YPEL2: variants seen among roughly 807,000 people sequenced by gnomAD.
YPEL2 encodes protein yippee-like 2.
Under a neutral mutation model 19.1 loss-of-function variants are expected in YPEL2, and 2 were observed. That is an observed-to-expected ratio of 0.10 (90% CI 0.04 to 0.33). YPEL2 has a LOEUF of 0.33. Among genes scored for constraint, YPEL2 ranks in the 10% least tolerant of loss-of-function variants. YPEL2 has a pLI of 1.00. For missense variants in YPEL2, 66 were observed against 140.7 expected, an observed-to-expected ratio of 0.47 and a Z score of 2.68; for synonymous variants, 52 against 50.0, an observed-to-expected ratio of 1.04 and a Z score of -0.17.
chr17:59,332,285 A>G (rs928320177), intron 1 of YPEL2, among the ~76,000 whole-genome samples: 1 of 151,976 alleles, frequency 6.6e-6, no homozygotes, highest in East Asian at 2.0e-4. Flanking sequence ...TCCTGGGGAC[A>G]CTTAGGTCCA....
chr17:59,357,022 C>T (rs1056286872), intron 2 of YPEL2, among the ~76,000 whole-genome samples: 3 of 152,154 alleles, frequency 2.0e-5, no homozygotes, highest in African/African-American at 4.8e-5. Context: ...AGTGTATGCT[C>T]GTGATGTGCT....
chr17:59,390,568 G>A (rs1274869055), intron 4 of YPEL2, among the ~76,000 whole-genome samples: 1 of 152,228 alleles, frequency 6.6e-6, no homozygotes, highest in Non-Finnish European at 1.5e-5. Flanking sequence ...ACTGTCAGAT[G>A]TGATCATGGC....
chr17:59,344,373 TAGG>T (rs982039063), intron 1 of YPEL2, among the ~76,000 whole-genome samples: 1 of 151,626 alleles, frequency 6.6e-6, no homozygotes. Context: ...AACAGAGAGG[TAGG>T]AGAAGAATCC....
chr17:59,372,433 A>G (rs1166708983), intron 2 of YPEL2, among the ~76,000 whole-genome samples: 5 of 152,206 alleles, frequency 3.3e-5, no homozygotes, highest in Admixed American at 6.5e-5. Context: ...AGTAAAATAC[A>G]AAAAGCATGG....
At chr17:59,392,430 A>G (rs773342382) in intron 4 of YPEL2, among the ~76,000 whole-genome samples, 1 of 150,828 alleles carries the variant, frequency 6.6e-6, no homozygotes, top group Non-Finnish European at 1.5e-5. Context: ...AAGTACTGTG[A>G]TGTGCACAGC....
intron 4 of YPEL2, among the ~76,000 whole-genome samples, chr17:59,391,531 G>A (rs1000820075): frequency 9.9e-5 from 15 of 151,708 alleles, no homozygotes; most frequent in Admixed American, 2.6e-4. Context: ...AAAAAAAATT[G>A]TCCCAGGTGG....
intron 2 of YPEL2, among the ~76,000 whole-genome samples, chr17:59,386,764 T>C (rs2047982228): frequency 6.6e-6 from 1 of 152,152 alleles, no homozygotes; most frequent in African/African-American, 2.4e-5. Context: ...TCATAGCTGC[T>C]CAGTTGTAGC....
At chr17:59,344,711 T>C (rs2047747633) in intron 1 of YPEL2, among the ~76,000 whole-genome samples, 1 of 152,024 alleles carries the variant, frequency 6.6e-6, no homozygotes, top group African/African-American at 2.4e-5. Flanking sequence ...TGAGCCAAAA[T>C]CACGCCACTG....
intron 2 of YPEL2, among the ~76,000 whole-genome samples, chr17:59,374,290 A>G (rs937032134): frequency 3.3e-5 from 5 of 152,310 alleles, no homozygotes; most frequent in Admixed American, 3.3e-4. Flanking sequence ...CTATGCTCAA[A>G]TCCTTCTAAT....
intron 2 of YPEL2, chr17:59,354,405 G>C (rs9903669): frequency 0.66 from 99,693 of 151,926 alleles, 34,350 homozygotes; most frequent in African/African-American, 0.87. Flanking sequence ...TACGCAGACC[G>C]AGACGAAGTT....
intron 3 of YPEL2, chr17:59,389,144 G>T: frequency 1.8e-6 from 1 of 547,532 alleles, no homozygotes; most frequent in Non-Finnish European, 3.3e-6. Flanking sequence ...GATTATTTCG[G>T]TAGACCCACT....
In YPEL2 at chr17:59,398,750, T is replaced by A. The variant is rs952031553; in HGVS notation, c.*1560T>A. 2 of 152,152 alleles carry A rather than the reference T, an allele frequency of 1.3e-5. No homozygotes were observed. The highest frequency in any genetic ancestry group is 2.9e-5 in the Non-Finnish European group (2 of 68,046). 9.4% of individuals were successfully genotyped at this position (152,152 alleles called of 1,614,324 possible). On this transcript the variant is annotated 3_prime_UTR_variant, in exon 5 of 5. Coordinates refer to ENST00000312655, the MANE Select transcript of YPEL2 (RefSeq NM_001005404.4). ...TGTGCGTGTTAGGTAATTCTCAGCA[T>A]CTCCTCCAAGTAGGCCGACCTTCTC...
intron 1 of YPEL2, among the ~76,000 whole-genome samples, chr17:59,339,544 T>C (rs2047717217): frequency 6.6e-6 from 1 of 152,222 alleles, no homozygotes; most frequent in Admixed American, 6.5e-5. Context: ...TGAGGGTGTT[T>C]AGAGAGAACT....
intron 2 of YPEL2, among the ~76,000 whole-genome samples, chr17:59,380,272 CTT>C (rs548409762): frequency 0.1 from 11,116 of 106,408 alleles, 505 homozygotes; most frequent in African/African-American, 0.19. Flanking sequence ...TATCTAACTT[CTT>C]TTTTTTTTTT....
At position 59,353,451 on chromosome 17, in the gene YPEL2, G is replaced by T; in HGVS notation, c.42G>T (p.Leu14=). The change falls in exon 2 of 5, where the codon CTG becomes CTT. Residue 14 remains leucine (L), a synonymous_variant. Coordinates refer to ENST00000312655, the MANE Select transcript of YPEL2 (RefSeq NM_001005404.4). This position sits in a 1 kb window ranked among gnomAD's most constrained non-coding sequence, Gnocchi z 4.8. The part of the protein sequence containing the change: ...MTRSKTFQAY[L]PSCHRTYSCI... ...GATCGAAGACTTTCCAGGCATATCT[G>T]CCCTCCTGCCACCGGACCTACAGCT... The T allele has an allele frequency of 2.5e-6, 4 of 1,611,302 alleles. No homozygotes were observed. Among genetic ancestry groups the T allele is most frequent in the Non-Finnish European group, 3.4e-6 (4 of 1,178,366 alleles).
At chr17:59,380,163 C>G (rs145204745) in intron 2 of YPEL2, among the ~76,000 whole-genome samples, 1 of 151,856 alleles carries the variant, frequency 6.6e-6, no homozygotes, top group Admixed American at 6.6e-5. Context: ...TCAGCCACCA[C>G]GCTCAGCCTA....
At chr17:59,341,873 G>A (rs1426571397) in intron 1 of YPEL2, among the ~76,000 whole-genome samples, 3 of 152,174 alleles carry the variant, frequency 2.0e-5, no homozygotes, top group East Asian at 3.9e-4. Flanking sequence ...CCACCCCACC[G>A]CCTTTCCTCT....
At chr17:59,373,870 A>G (rs1454102249) in intron 2 of YPEL2, among the ~76,000 whole-genome samples, 3 of 152,224 alleles carry the variant, frequency 2.0e-5, no homozygotes, top group Non-Finnish European at 4.4e-5. Context: ...TTATGTTTCT[A>G]TGTCTAAGGA....
At chr17:59,354,724 A>G (rs1276917963) in intron 2 of YPEL2, 4 of 152,352 alleles carry the variant, frequency 2.6e-5, no homozygotes, top group Admixed American at 6.5e-5. Context: ...TTAGAGTCCT[A>G]TCCTCTGGCC....
Sources: allele counts gnomAD v4.1 joint callset (sites outside exome capture counted in the v4.1 genomes callset), GRCh38; gene constraint gnomAD v4.1.1; non-coding constraint Gnocchi (gnomAD v3.1); transcripts MANE v1.5; gene names NCBI Gene and HGNC (gene_info 2026-07-23, HGNC 2026-07-21).